Variants in CDH12 observed in about 807,000 individuals in gnomAD.
The protein encoded by CDH12 is cadherin-12.
Under a neutral mutation model 74.1 loss-of-function variants are expected in CDH12, and 41 were observed. That is an observed-to-expected ratio of 0.55 (90% confidence interval 0.43 to 0.72). The LOEUF is 0.72. Among genes scored for constraint, CDH12 ranks in the 30% least tolerant of loss-of-function variants. CDH12 has a pLI of 0.00. For missense variants in CDH12, 945 were observed against 977.2 expected, an observed-to-expected ratio of 0.97 and a Z score of 0.44; for synonymous variants, 399 against 355.0, an observed-to-expected ratio of 1.12 and a Z score of -1.39.
Position 22,078,526 on chromosome 5 carries a change from G to A in CDH12, c.151C>T (p.Arg51Cys). The A allele has an allele frequency of 6.2e-7, 1 of 1,613,838 alleles. No individual in the cohort carries two copies. Among genetic ancestry groups the A allele is most frequent in the South Asian group, 1.1e-5 (1 of 91,080 alleles). The change falls in exon 5 of 15, where the codon CGT becomes TGT. Residue 51 changes from arginine (R) to cysteine (C), a missense_variant. Arg to Cys is a radical substitution (Grantham distance 180, BLOSUM62 -3). Transcript: ENST00000382254. Reference protein sequence around the residue: ...HLPGQRSHFQRVKRGWVWNQF... With the variant: ...HLPGQRSHFQCVKRGWVWNQF... Reference sequence around the variant, plus strand: ...TTCCATACCCAGCCACGTTTAACACGTTGGAAATGTGACCGTTGTCCTGGC... The same window carrying A: ...TTCCATACCCAGCCACGTTTAACACATTGGAAATGTGACCGTTGTCCTGGC...
At chr5:22,407,387 T>C (rs902053916) in intron 2 of CDH12, among the ~76,000 whole-genome samples, 36 of 152,168 alleles carry the variant, frequency 2.4e-4, no homozygotes, top group African/African-American at 8.7e-4. Flanking sequence ...ATGTTCTCAA[T>C]AGTTTAAAAT....
intron 1 of CDH12, among the ~76,000 whole-genome samples, chr5:22,575,065 T>G (rs1739716914): frequency 6.6e-6 from 1 of 152,184 alleles, no homozygotes; most frequent in South Asian, 2.1e-4. Flanking sequence ...GAGTGAAATA[T>G]TGGCCAGCTC....
chr5:21,817,238 A>G, intron 8 of CDH12, 106 bp from the exon 9 acceptor site: 1 of 710,628 alleles, frequency 1.4e-6, no homozygotes, highest in South Asian at 2.2e-5. Flanking sequence ...CACATTTAGA[A>G]CATTATAGTG....
At chr5:21,994,970 G>C (rs1301600893) in intron 5 of CDH12, among the ~76,000 whole-genome samples, 1 of 152,068 alleles carries the variant, frequency 6.6e-6, no homozygotes, top group African/African-American at 2.4e-5. Flanking sequence ...TGGAAGCTTT[G>C]TTCTTTTGCT....
intron 6 of CDH12, among the ~76,000 whole-genome samples, chr5:21,925,843 G>C (rs1033641224): frequency 3.9e-5 from 6 of 152,032 alleles, no homozygotes; most frequent in African/African-American, 1.2e-4. Context: ...CAAGCTAGGA[G>C]CTGGGCACAG....
At chr5:22,296,155 T>G (rs1268891589) in intron 3 of CDH12, among the ~76,000 whole-genome samples, 1 of 151,764 alleles carries the variant, frequency 6.6e-6, no homozygotes, top group Non-Finnish European at 1.5e-5. Context: ...ATTAGAAAAA[T>G]TATAATATAT....
At chr5:22,837,936 G>T (rs1171309654) in intron 1 of CDH12, among the ~76,000 whole-genome samples, 1 of 152,116 alleles carries the variant, frequency 6.6e-6, no homozygotes. Flanking sequence ...TGGTGAAACG[G>T]GTAGCATACT....
Position 22,057,526 on chromosome 5 carries a change from G to T in CDH12, c.231+20920C>A, listed in dbSNP as rs144091699. 2.8e-4 allele frequency among the ~76,000 whole-genome samples: 42 copies of T among 152,254 alleles called. No homozygotes were observed. In the East Asian group the frequency reaches 7.3e-3, roughly 27 times the overall value. Reference sequence around the variant, plus strand: ...TCAGAATCTCTCTTCCCTCCCGGGGGTGAGGGATGGGGGAAAGGAACAGAC... The same window carrying T: ...TCAGAATCTCTCTTCCCTCCCGGGGTTGAGGGATGGGGGAAAGGAACAGAC... On this transcript the variant is annotated intron_variant, in intron 5 of 14. Coordinates refer to ENST00000382254, the MANE Select transcript of CDH12 (RefSeq NM_004061.5).
chr5:22,349,851 C>G (rs1296473094), intron 3 of CDH12, among the ~76,000 whole-genome samples: 1 of 152,176 alleles, frequency 6.6e-6, no homozygotes, highest in Non-Finnish European at 1.5e-5. Context: ...TCTCCTGCCT[C>G]AGCCTCCTGA....
rs115176196 is a variant in CDH12, at chr5:22,105,820, C to T, written c.-186-26958G>A. On this transcript the variant is annotated intron_variant, in intron 4 of 14. Transcript: ENST00000382254. ...TTGACTTGATTGCCTCTACAAAGAC[C>T]CTATTTTTAAAAATAAAGGTCACAT... Among the ~76,000 whole-genome samples the T allele has an allele frequency of 7.3e-3, 1,102 of 152,000 alleles. 28 individuals carry two copies. Among genetic ancestry groups the T allele is most frequent in the African/African-American group, 0.025 (1,052 of 41,462 alleles).
chr5:22,157,624 A>G (rs2150316229), intron 4 of CDH12, among the ~76,000 whole-genome samples: 1 of 152,210 alleles, frequency 6.6e-6, no homozygotes, highest in East Asian at 1.9e-4. Context: ...TCTGCCCTTC[A>G]AAATACACAA....
chr5:22,451,581 A>G (rs1358617132), intron 2 of CDH12, among the ~76,000 whole-genome samples: 1 of 151,986 alleles, frequency 6.6e-6, no homozygotes, highest in Non-Finnish European at 1.5e-5. Context: ...AATAAAGGCC[A>G]CATATGACAA....
intron 1 of CDH12, among the ~76,000 whole-genome samples, chr5:22,560,907 T>A (rs1053257941): frequency 6.6e-6 from 1 of 152,160 alleles, no homozygotes; most frequent in Non-Finnish European, 1.5e-5. Flanking sequence ...TGTGCATAAT[T>A]GGTAGTCTTC....
chr5:21,951,172 T>C (rs1384686155), intron 6 of CDH12, among the ~76,000 whole-genome samples: 1 of 152,158 alleles, frequency 6.6e-6, no homozygotes, highest in Non-Finnish European at 1.5e-5. Flanking sequence ...GAAATAACAT[T>C]GTTTTCAATA....
chr5:22,745,276 A>ATT (rs75964510), intron 1 of CDH12, among the ~76,000 whole-genome samples: 2 of 149,900 alleles, frequency 1.3e-5, no homozygotes, highest in Non-Finnish European at 2.9e-5. Flanking sequence ...TTCCATTGAG[A>ATT]TTTTTTTTTA....
chr5:22,625,161 G>A (rs1432570093), intron 1 of CDH12, among the ~76,000 whole-genome samples: 1 of 152,084 alleles, frequency 6.6e-6, no homozygotes, highest in Admixed American at 6.5e-5. Context: ...GGCCTGTCTT[G>A]GGTTGTGGGG....
At chr5:22,120,486 T>C (rs931911753) in intron 4 of CDH12, among the ~76,000 whole-genome samples, 4 of 152,148 alleles carry the variant, frequency 2.6e-5, no homozygotes, top group Non-Finnish European at 4.4e-5. Flanking sequence ...ACCACTATAA[T>C]AAAATGATAT....
At chr5:22,795,873 A>G (rs889807769) in intron 1 of CDH12, among the ~76,000 whole-genome samples, 1 of 152,058 alleles carries the variant, frequency 6.6e-6, no homozygotes, top group Non-Finnish European at 1.5e-5. Context: ...TAGATTGTAC[A>G]TTATAAAGTG....
chr5:22,276,668 C>A (rs1340878195), intron 3 of CDH12, among the ~76,000 whole-genome samples: 2 of 152,070 alleles, frequency 1.3e-5, no homozygotes, highest in African/African-American at 4.8e-5. Flanking sequence ...CTATTTTAAG[C>A]ACTATTTTAT....
Sources: allele counts gnomAD v4.1 joint callset (sites outside exome capture counted in the v4.1 genomes callset), GRCh38; gene constraint gnomAD v4.1.1; transcripts MANE v1.5; gene names NCBI Gene and HGNC (gene_info 2026-07-23, HGNC 2026-07-21).